Variants in NMNAT2 observed in about 807,000 individuals in gnomAD.
NMNAT2 encodes nicotinamide/nicotinic acid mononucleotide adenylyltransferase 2.
A neutral mutation model predicts 41.6 loss-of-function variants in NMNAT2; 11 were observed. The ratio of observed to expected loss-of-function variants is 0.26; its 90% CI spans 0.17 to 0.44. NMNAT2 has a LOEUF of 0.44. NMNAT2 is among the 20% of genes least tolerant of loss of function. NMNAT2 has a pLI of 1.00. For synonymous variants in NMNAT2, 148 were observed against 151.2 expected (o/e 0.98, Z 0.16); for missense variants, 288 against 407.7 (o/e 0.71, Z 2.53).
At chr1:183,416,339 C>T (rs1294279018) in intron 1 of NMNAT2, among the ~76,000 whole-genome samples, 2 of 152,198 alleles carry the variant, frequency 1.3e-5, no homozygotes, top group Non-Finnish European at 2.9e-5. Context: ...AATGGCTCTT[C>T]CCTACTCCTC....
intron 1 of NMNAT2, among the ~76,000 whole-genome samples, chr1:183,337,799 T>G (rs146894192): frequency 2.8e-4 from 43 of 152,292 alleles, no homozygotes; most frequent in African/African-American, 1.0e-3. Flanking sequence ...TATTGCCATT[T>G]TCCAAGGGTC....
intron 1 of NMNAT2, among the ~76,000 whole-genome samples, chr1:183,389,402 T>A (rs773119425): frequency 1.3e-5 from 2 of 152,166 alleles, no homozygotes; most frequent in Non-Finnish European, 2.9e-5. Flanking sequence ...AGAATTGAAT[T>A]TGAATCCAAG....
intron 1 of NMNAT2, among the ~76,000 whole-genome samples, chr1:183,352,519 C>A (rs1032934874): frequency 7.6e-6 from 1 of 131,328 alleles, no homozygotes; most frequent in Non-Finnish European, 1.5e-5. Context: ...GCCAAGATCA[C>A]ACCACTATAC....
At chr1:183,398,756 C>T (rs1336710047) in intron 1 of NMNAT2, among the ~76,000 whole-genome samples, 2 of 152,336 alleles carry the variant, frequency 1.3e-5, no homozygotes, top group African/African-American at 2.4e-5. Context: ...GATTAAGAAA[C>T]TCACTCAAAA....
intron 7 of NMNAT2, among the ~76,000 whole-genome samples, chr1:183,280,672 G>A (rs1015502490): frequency 4.0e-5 from 6 of 151,846 alleles, no homozygotes; most frequent in Admixed American, 1.3e-4. Context: ...ACAGGCATGA[G>A]CCACTACACT....
chr1:183,417,550 C>G (rs1463602766), intron 1 of NMNAT2, among the ~76,000 whole-genome samples: 2 of 152,074 alleles, frequency 1.3e-5, no homozygotes, highest in African/African-American at 4.8e-5. Flanking sequence ...CGAACCTAGG[C>G]GGAAAAGGGC....
At chr1:183,366,647 TG>T (rs1663420447) in intron 1 of NMNAT2, among the ~76,000 whole-genome samples, 1 of 152,068 alleles carries the variant, frequency 6.6e-6, no homozygotes. Context: ...GGGAGTGAGA[TG>T]GGGAGGAGTC....
intron 1 of NMNAT2, among the ~76,000 whole-genome samples, chr1:183,409,507 G>A (rs1557903041): frequency 6.6e-6 from 1 of 151,908 alleles, no homozygotes; most frequent in Admixed American, 6.6e-5. Flanking sequence ...TGTAGAGATG[G>A]GATCTCCCTA....
At chr1:183,317,203 C>T (rs949471264) in intron 1 of NMNAT2, among the ~76,000 whole-genome samples, 4 of 152,208 alleles carry the variant, frequency 2.6e-5, no homozygotes, top group Admixed American at 2.6e-4. Flanking sequence ...GCCGTTTTAT[C>T]CCAGAAAGTA....
chr1:183,341,970 T>C (rs1413902363), intron 1 of NMNAT2, among the ~76,000 whole-genome samples: 1 of 151,844 alleles, frequency 6.6e-6, no homozygotes, highest in Non-Finnish European at 1.5e-5. Flanking sequence ...AGGGGGAAGT[T>C]TCCTCCCAGA....
intron 1 of NMNAT2, among the ~76,000 whole-genome samples, chr1:183,413,779 T>C (rs1346190792): frequency 1.3e-5 from 2 of 151,910 alleles, no homozygotes; most frequent in African/African-American, 2.4e-5. Flanking sequence ...GCTAATTTTT[T>C]TGTGTTTTTA....
rs527871560 is a variant in NMNAT2 at position 183,287,745 on chromosome 1, C to T, written c.322-957G>A. ...TTTCCAAAAGCCAGCTGCCTGGGTA[C>T]CCACCACCCACTCCTGCACGCTACC... On this transcript the variant is annotated intron_variant, in intron 4 of 10. Transcript: ENST00000287713. Among the ~76,000 whole-genome samples the T allele has an allele frequency of 3.9e-5, 6 of 152,312 alleles. No homozygotes were observed. The East Asian group carries it at 7.7e-4, about 20-fold the overall frequency.
intron 10 of NMNAT2, among the ~76,000 whole-genome samples, chr1:183,256,648 C>T (rs1186370302): frequency 6.6e-6 from 1 of 152,152 alleles, no homozygotes; most frequent in Non-Finnish European, 1.5e-5. Flanking sequence ...GGGATAAATC[C>T]TACTTGATCA....
intron 8 of NMNAT2, among the ~76,000 whole-genome samples, chr1:183,272,899 A>T (rs750956680): frequency 3.9e-5 from 6 of 152,226 alleles, no homozygotes; most frequent in Non-Finnish European, 8.8e-5. Flanking sequence ...CATTTCCTAG[A>T]AAAAGCTTTG....
chr1:183,260,277 C>T (rs1007883323), intron 10 of NMNAT2, among the ~76,000 whole-genome samples: 1 of 152,206 alleles, frequency 6.6e-6, no homozygotes, highest in Non-Finnish European at 1.5e-5. Flanking sequence ...AGCAGCTGTG[C>T]ACCCAGAGAT....
intron 7 of NMNAT2, among the ~76,000 whole-genome samples, chr1:183,279,463 C>G (rs910225933): frequency 1.3e-5 from 2 of 152,222 alleles, no homozygotes; most frequent in Non-Finnish European, 2.9e-5. Flanking sequence ...GAGGCCGAGG[C>G]TGTTGGGCAT....
chr1:183,418,207 T>C lies in NMNAT2; in HGVS notation c.61A>G (p.Thr21Ala). The C allele has an allele frequency of 6.2e-7, 1 of 1,613,244 alleles. No individual in the cohort carries two copies. Among genetic ancestry groups the C allele is most frequent in the Non-Finnish European group, 8.5e-7 (1 of 1,179,916 alleles). The change falls in exon 1 of 11, where the codon ACC becomes GCC. Residue 21 changes from threonine to alanine, a missense_variant. Transcript: ENST00000287713. The stretch of plus-strand genomic sequence containing the variant: ...CCAAACATCTGAATGTGCCCTTTGG[T>C]GATGGGATTGAAGCTGCCGCAGGCG... The part of the protein sequence containing the change: ...LLACGSFNPI[T>A]KGHIQMFERA...
At chr1:183,256,384 G>C (rs1219966741) in intron 10 of NMNAT2, among the ~76,000 whole-genome samples, 4 of 152,058 alleles carry the variant, frequency 2.6e-5, no homozygotes, top group Admixed American at 2.6e-4. Context: ...ACTCCAGCCT[G>C]GGTGACAGAA....
chr1:183,319,649 CCTCT>C (rs61069158), intron 1 of NMNAT2, among the ~76,000 whole-genome samples: 1 of 151,366 alleles, frequency 6.6e-6, no homozygotes, highest in Non-Finnish European at 1.5e-5. Flanking sequence ...TTCTCCTCTG[CCTCT>C]CTCTCTCTCT....
Sources: allele counts gnomAD v4.1 joint callset (sites outside exome capture counted in the v4.1 genomes callset), GRCh38; gene constraint gnomAD v4.1.1; transcripts MANE v1.5; gene names NCBI Gene and HGNC (gene_info 2026-07-23, HGNC 2026-07-21).